SPAG16: variants seen among roughly 807,000 people sequenced by gnomAD.
The protein encoded by SPAG16 is sperm associated antigen 16, also known as sperm-associated antigen 16 protein.
A neutral mutation model predicts 80.4 loss-of-function variants in SPAG16; 86 were observed. The ratio of observed to expected loss-of-function variants is 1.07; its 90% CI spans 0.90 to 1.28. SPAG16 has a LOEUF of 1.28. Among genes scored for constraint, SPAG16 ranks in the 50% most tolerant of loss-of-function variants. SPAG16 has a pLI of 0.00. For missense variants in SPAG16, 870 were observed against 765.3 expected (o/e 1.14, Z -1.61); for synonymous variants, 294 against 265.9 (o/e 1.11, Z -1.03).
intron 10 of SPAG16, among the ~76,000 whole-genome samples, chr2:213,514,549 G>A (rs989152856): frequency 6.6e-6 from 1 of 151,494 alleles, no homozygotes; most frequent in East Asian, 1.9e-4. Context: ...CATGTGCCAT[G>A]CTGGTGCGCT....
intron 3 of SPAG16, among the ~76,000 whole-genome samples, chr2:213,307,854 C>T (rs2063016800): frequency 6.6e-6 from 1 of 152,100 alleles, no homozygotes; most frequent in Admixed American, 6.6e-5. Context: ...CCTGTTGTTT[C>T]CTGACTTTTT....
chr2:214,333,939 T>C lies in SPAG16; in HGVS notation c.1721-76201T>C, dbSNP rs1003852371. 1.2e-4 allele frequency among the ~76,000 whole-genome samples: 19 copies of C among 152,340 alleles called. 1 individual carries two copies. Among genetic ancestry groups the C allele is most frequent in the African/African-American group, 4.6e-4 (19 of 41,582 alleles). ...GTAGGTTATTGCTTTTTACTCAGTC[T>C]TCCAAGAATAATCCTAGTAGTATAT... On this transcript the variant is annotated intron_variant, in intron 15 of 15. Transcript: ENST00000331683.
At chr2:214,327,671 T>C (rs528862492) in intron 15 of SPAG16, among the ~76,000 whole-genome samples, 4 of 148,334 alleles carry the variant, frequency 2.7e-5, no homozygotes, top group South Asian at 2.2e-4. Context: ...TGAAGTCATA[T>C]AATGTGCAGA....
At chr2:214,281,016 C>A in intron 15 of SPAG16, 1 of 407,634 alleles carries the variant, frequency 2.5e-6, no homozygotes. Flanking sequence ...GACAAACCTC[C>A]ATTCACAGCT....
rs188561060 is a variant in SPAG16, at chr2:214,153,216, G to A, written c.1720+3950G>A. Among the ~76,000 whole-genome samples, 4 of 152,196 alleles carry A rather than the reference G, an allele frequency of 2.6e-5. No homozygotes were observed. In the South Asian group the frequency reaches 6.2e-4, roughly 24 times the overall value. ...TTCCCAGACGCTGGCATCACTACTAGACCAAGGAGTCCTCTGGTGGCCCTG... is the reference window on the plus strand; with the variant it reads ...TTCCCAGACGCTGGCATCACTACTAAACCAAGGAGTCCTCTGGTGGCCCTG... On this transcript the variant is annotated intron_variant, in intron 15 of 15. Coordinates refer to ENST00000331683, the MANE Select transcript of SPAG16 (RefSeq NM_024532.5).
At chr2:213,552,174 A>T (rs2076798200) in intron 10 of SPAG16, among the ~76,000 whole-genome samples, 1 of 152,156 alleles carries the variant, frequency 6.6e-6, no homozygotes, top group Non-Finnish European at 1.5e-5. Flanking sequence ...TAGTTTAGCC[A>T]TTCTTATCTG....
chr2:214,404,109 A>G (rs1171778160), intron 15 of SPAG16, among the ~76,000 whole-genome samples: 1 of 152,186 alleles, frequency 6.6e-6, no homozygotes, highest in Non-Finnish European at 1.5e-5. Flanking sequence ...AATGAGGGCA[A>G]ATTGTTTGAT....
chr2:213,913,276 A>G (rs1164709135), intron 11 of SPAG16, among the ~76,000 whole-genome samples: 1 of 151,888 alleles, frequency 6.6e-6, no homozygotes, highest in African/African-American at 2.4e-5. Flanking sequence ...TTATTTATCC[A>G]TGTTTGTTAC....
chr2:214,220,018 A>G (rs1001793335), intron 15 of SPAG16, among the ~76,000 whole-genome samples: 2 of 152,122 alleles, frequency 1.3e-5, no homozygotes, highest in African/African-American at 4.8e-5. Flanking sequence ...ATACTCCTTC[A>G]TATCTAATAG....
At chr2:213,967,760 G>A (rs2044780124) in intron 12 of SPAG16, among the ~76,000 whole-genome samples, 1 of 152,124 alleles carries the variant, frequency 6.6e-6, no homozygotes, top group Admixed American at 6.5e-5. Flanking sequence ...ATACAATGTA[G>A]GAGTATAGTA....
At chr2:214,155,415 A>G (rs1559090138) in intron 15 of SPAG16, among the ~76,000 whole-genome samples, 1 of 152,128 alleles carries the variant, frequency 6.6e-6, no homozygotes, top group Admixed American at 6.5e-5. Context: ...TCGCTTATTT[A>G]TTTACATATT....
intron 10 of SPAG16, among the ~76,000 whole-genome samples, chr2:213,822,995 T>C (rs1310705689): frequency 6.6e-6 from 1 of 152,192 alleles, no homozygotes; most frequent in Non-Finnish European, 1.5e-5. Flanking sequence ...TTTGGGTTGA[T>C]TCCATGTCTT....
At chr2:213,503,090 C>G (rs1000681713) in intron 10 of SPAG16, among the ~76,000 whole-genome samples, 1 of 152,150 alleles carries the variant, frequency 6.6e-6, no homozygotes. Context: ...TTTAATAGTA[C>G]CGATTACTAT....
At chr2:213,292,446 T>C (rs12989273) in intron 1 of SPAG16, among the ~76,000 whole-genome samples, 61,667 of 151,100 alleles carry the variant, frequency 0.41, 13,496 homozygotes, top group African/African-American at 0.56. Flanking sequence ...GGGCGGATCA[T>C]GAGGTCAGGA....
At chr2:213,323,264 C>T (rs1323073817) in intron 5 of SPAG16, among the ~76,000 whole-genome samples, 3 of 152,074 alleles carry the variant, frequency 2.0e-5, no homozygotes, top group Non-Finnish European at 4.4e-5. Context: ...CATGGTGAAA[C>T]CCCGTCTCTT....
intron 13 of SPAG16, among the ~76,000 whole-genome samples, chr2:214,083,086 T>C (rs1461145939): frequency 6.6e-6 from 1 of 152,210 alleles, no homozygotes; most frequent in Non-Finnish European, 1.5e-5. Context: ...TACTTTCAGG[T>C]CTACCGAACC....
chr2:213,714,176 T>A (rs1165615463), intron 10 of SPAG16, among the ~76,000 whole-genome samples: 1 of 152,152 alleles, frequency 6.6e-6, no homozygotes, highest in Non-Finnish European at 1.5e-5. Context: ...AAGCCAGAAA[T>A]CCAGGAGCTA....
intron 10 of SPAG16, among the ~76,000 whole-genome samples, chr2:213,504,511 C>T (rs1403697774): frequency 6.6e-6 from 1 of 151,912 alleles, no homozygotes; most frequent in African/African-American, 2.4e-5. Flanking sequence ...ATAAAGACAA[C>T]TAGGGATTTC....
chr2:213,824,457 A>T (rs1002041472), intron 10 of SPAG16, among the ~76,000 whole-genome samples: 1 of 152,026 alleles, frequency 6.6e-6, no homozygotes, highest in Non-Finnish European at 1.5e-5. Context: ...TGTTCTGCAT[A>T]TGGATATTCA....
Sources: gnomAD v4.1 joint callset for allele counts (sites outside exome capture counted in the v4.1 genomes callset) on GRCh38, gnomAD v4.1.1 for gene constraint, MANE v1.5 for transcripts, NCBI Gene and HGNC (gene_info 2026-07-23, HGNC 2026-07-21) for gene names.